NOS3: variants seen among roughly 807,000 people sequenced by gnomAD.
NOS3 encodes the protein NOS type III.
NOS3 carries 98 observed loss-of-function variants against 144.9 expected under a neutral mutation model. That is an observed-to-expected ratio of 0.68 (90% CI 0.57 to 0.80). The LOEUF (loss-of-function observed/expected upper bound fraction) is 0.80, where lower values mean the gene tolerates loss of function less well. Ranked by LOEUF, NOS3 falls within the 30% of genes least tolerant of loss-of-function variation. The pLI is 0.00. For missense variants in NOS3, 1,465 were observed against 1,656.4 expected (o/e 0.88, Z 2.01); for synonymous variants, 714 against 702.4 (o/e 1.02, Z -0.26).
Position 151,013,229 on chromosome 7 carries a change from A to G in NOS3, c.3107-2A>G, listed in dbSNP as rs750555154. 6.2e-7 allele frequency: 1 copy of G among 1,611,228 alleles called. No homozygotes were observed. The highest frequency in any genetic ancestry group is 1.7e-5 in the Admixed American group (1 of 59,846). ...CCTTCCCAAGCGCGGGGTTGCTTGC[A>G]GGGCTGCAGCCCACTCCCATGACTT... On this transcript the variant is annotated splice_acceptor_variant, in intron 24 of 26. Coordinates refer to ENST00000297494, the MANE Select transcript of NOS3 (RefSeq NM_000603.5). LOFTEE classifies it high-confidence loss of function.
intron 15 of NOS3, 53 bp downstream of exon 15, chr7:151,006,547 A>G: frequency 6.9e-7 from 1 of 1,441,882 alleles, no homozygotes; most frequent in South Asian, 1.2e-5. Context: ...ATTTGGAGAC[A>G]CAAACAGAAA....
rs1308819991 is a variant in NOS3 at position 151,002,450 on chromosome 7, A to ACACG, written c.1752+148_1752+151dup. The ACACG allele has an allele frequency of 2.1e-6, 1 of 475,768 alleles. No homozygotes were observed. The highest frequency in any genetic ancestry group is 2.2e-5 in the African/African-American group (1 of 46,258). The allele number at this position is 475,768 out of a possible 1,614,324, so 29.5% of individuals were successfully genotyped here. A position where few individuals can be genotyped will look rare whatever the true frequency, so the allele number is the denominator to read the frequency against. Reference sequence around the variant, plus strand: ...CACACACACACACACACACACACACACACGCCAGGATGGAAAGGGAGATGC... The same window carrying ACACG: ...CACACACACACACACACACACACACACACGCACGCCAGGATGGAAAGGGAGATGC... On this transcript the variant is annotated intron_variant, in intron 14 of 26. Transcript: ENST00000297494. This position sits in a 1 kb window ranked among gnomAD's most constrained non-coding sequence, Gnocchi z 4.1.
Position 151,007,045 on chromosome 7 carries a change from C to G in NOS3, c.1937+40C>G, listed in dbSNP as rs900861460. ...AAGAGGGGTGCAACGGGTGGGCAAG[C>G]TGCCTGGGCAAACGTGGCCTGCAAA... On this transcript the variant is annotated intron_variant, in intron 16 of 26. Transcript: ENST00000297494. The G allele has an allele frequency of 3.7e-6, 6 of 1,613,804 alleles. No homozygotes were observed. The African/African-American group carries it at 5.3e-5, about 14-fold the overall frequency.
Position 151,002,116 on chromosome 7 carries a change from C to A in NOS3, c.1648-84C>A. The A allele has an allele frequency of 1.4e-6, 2 of 1,400,430 alleles. No individual in the cohort carries two copies. Among genetic ancestry groups the A allele is most frequent in the Non-Finnish European group, 2.0e-6 (2 of 1,009,898 alleles). The allele number at this position is 1,400,430 out of a possible 1,614,324, so 86.8% of individuals were successfully genotyped here. A position where few individuals can be genotyped will look rare whatever the true frequency, so the allele number is the denominator to read the frequency against. Reference sequence around the variant, plus strand: ...TCAGAGATCAAGTTGGGGCCTGAATCTTGCACTGCCAGGGAGGCCAGAGTG... The same window carrying A: ...TCAGAGATCAAGTTGGGGCCTGAATATTGCACTGCCAGGGAGGCCAGAGTG... On this transcript the variant is annotated intron_variant, in intron 13 of 26. Coordinates refer to ENST00000297494, the MANE Select transcript of NOS3 (RefSeq NM_000603.5). This position sits in a 1 kb window ranked among gnomAD's most constrained non-coding sequence, Gnocchi z 4.1.
chr7:150,995,451 A>G (rs61760649), intron 3 of NOS3, 137 bp downstream of exon 3: 7,568 of 611,012 alleles, frequency 0.012, 82 homozygotes, highest in Non-Finnish European at 0.015. Context: ...AGGACTGGGA[A>G]GAACCAGAGG....
intron 1 of NOS3, among the ~76,000 whole-genome samples, chr7:150,992,943 T>G (rs2117093690): frequency 6.6e-6 from 1 of 152,220 alleles, no homozygotes; most frequent in Admixed American, 6.5e-5. Context: ...GAACTGTAGT[T>G]TCCCTAGTCC....
intron 17 of NOS3, among the ~76,000 whole-genome samples, chr7:151,008,533 A>G (rs1434645054): frequency 6.6e-6 from 1 of 152,192 alleles, no homozygotes; most frequent in Non-Finnish European, 1.5e-5. Flanking sequence ...ATCTCATTTA[A>G]TCTTCACCAG....
chr7:150,994,674 G>C (rs893882606), intron 2 of NOS3, among the ~76,000 whole-genome samples: 1 of 152,178 alleles, frequency 6.6e-6, no homozygotes, highest in Non-Finnish European at 1.5e-5. Context: ...CTGAGGGCCG[G>C]GGCCCTGCTG....
chr7:151,000,724 G>T (rs1012322304), intron 10 of NOS3, 125 bp downstream of exon 10: 2 of 672,604 alleles, frequency 3.0e-6, no homozygotes, highest in Non-Finnish European at 2.7e-6. Flanking sequence ...AAGAAGTTCC[G>T]TAGTCCCAGT....
chr7:151,012,936 ACTGCGATGTCACACAATGCAAAGGG>A (rs1043992573), intron 24 of NOS3: 1 of 451,018 alleles, frequency 2.2e-6, no homozygotes, highest in Admixed American at 4.0e-5. Flanking sequence ...GGGGAAGGGG[ACTGCGATGTCACACAATGCAAAGGG>A]CATGGAATTC....
Position 151,013,935 on chromosome 7 carries a change from CG to C in NOS3, c.3450+20del. 1 of 1,597,766 alleles carries C rather than the reference CG, an allele frequency of 6.3e-7. No homozygotes were observed. Among genetic ancestry groups the C allele is most frequent in the Non-Finnish European group, 8.5e-7 (1 of 1,172,142 alleles). Reference sequence around the variant, plus strand: ...GTGCTGCGGGTGCGGAGGGGCGGGCCGGGCCTGAGCGTGCGGGGTTCCTGCT... The same window carrying C: ...GTGCTGCGGGTGCGGAGGGGCGGGCCGGCCTGAGCGTGCGGGGTTCCTGCT... On this transcript the variant is annotated intron_variant, in intron 26 of 26. Coordinates refer to ENST00000297494, the MANE Select transcript of NOS3 (RefSeq NM_000603.5).
Position 151,008,923 on chromosome 7 carries a change from C to A in NOS3, c.2113-7C>A. The A allele has an allele frequency of 6.2e-7, 1 of 1,605,828 alleles. No homozygotes were observed. Among genetic ancestry groups the A allele is most frequent in the South Asian group, 1.1e-5 (1 of 89,704 alleles). On this transcript the variant is annotated splice_polypyrimidine_tract_variant and splice_region_variant and intron_variant, in intron 17 of 26. Transcript: ENST00000297494. ...AGGTCCTCAGCCCTCACCGGCCTGT[C>A]CCGCAGGCCGCCTGTGAGACCTTCT...
In NOS3 at chr7:151,013,350, G is replaced by T. The variant is rs1317783291; in HGVS notation, c.3226G>T (p.Ala1076Ser). 3.1e-6 allele frequency: 5 copies of T among 1,613,606 alleles called. No homozygotes were observed. The South Asian group carries it at 4.4e-5, about 14-fold the overall frequency. Residue 1076 changes from alanine (A) to serine (S), a missense_variant, in exon 25 of 27, where the codon GCC becomes TCC. Physicochemically the swap from Ala to Ser is moderately conservative, Grantham distance 99. This residue lies in a region of NOS3 where 228 missense variants were observed against 227.7 expected (regional missense o/e 1.00). Coordinates refer to ENST00000297494, the MANE Select transcript of NOS3 (RefSeq NM_000603.5). Reference sequence around the variant, plus strand: ...CGGGGTGTTTGGCCGAGTCCTCACCGCCTTCTCCCGGGAACCTGACAACCC... The same window carrying T: ...CGGGGTGTTTGGCCGAGTCCTCACCTCCTTCTCCCGGGAACCTGACAACCC... ...QRGVFGRVLTAFSREPDNPKT... is the reference protein window; with the variant it reads ...QRGVFGRVLTSFSREPDNPKT...
rs1541861 is a variant in NOS3 at position 151,000,245 on chromosome 7, C to A, written c.1132-253C>A. 0.7 allele frequency among the ~76,000 whole-genome samples: 105,538 copies of A among 151,704 alleles called. 37,931 individuals carry two copies. Among genetic ancestry groups the A allele is most frequent in the African/African-American group, 0.88 (36,186 of 41,326 alleles). ...ATTCTCAAAGGGGACCTTGACTCGG[C>A]AAAGGTTAAGACCCATTTTAGAGAT... On this transcript the variant is annotated intron_variant, in intron 9 of 26. Transcript: ENST00000297494.
In NOS3 at chr7:151,014,059, G is replaced by A; in HGVS notation, c.3502G>A (p.Glu1168Lys). Residue 1168 changes from glutamate to lysine, a missense_variant, in exon 27 of 27, where the codon GAG (glutamate) becomes AAG (lysine). This residue lies in a region of NOS3 where 228 missense variants were observed against 227.7 expected (regional missense o/e 1.00). Coordinates refer to ENST00000297494, the MANE Select transcript of NOS3 (RefSeq NM_000603.5). The stretch of plus-strand genomic sequence containing the variant: ...TTTCGGGCTCACGCTGCGCACCCAG[G>A]AGGTGACAAGCCGCATACGCACCCA... ...DIFGLTLRTQEVTSRIRTQSF... is the reference protein window; with the variant it reads ...DIFGLTLRTQKVTSRIRTQSF... 1 of 1,613,806 alleles carries A rather than the reference G, an allele frequency of 6.2e-7. No individual in the cohort carries two copies. The highest frequency in any genetic ancestry group is 8.5e-7 in the Non-Finnish European group (1 of 1,179,910).
chr7:150,998,416 C>T lies in NOS3; in HGVS notation c.642C>T (p.His214=), dbSNP rs914694827. 4.3e-6 allele frequency: 7 copies of T among 1,612,460 alleles called. No homozygotes were observed. Among genetic ancestry groups the T allele is most frequent in the Admixed American group, 1.7e-5 (1 of 59,964 alleles). Residue 214 remains histidine, a synonymous_variant, in exon 6 of 27, where the codon CAC becomes CAT. Transcript: ENST00000297494. This position sits in a 1 kb window ranked among gnomAD's most constrained non-coding sequence, Gnocchi z 5.0. The part of the protein sequence containing the change: ...AQEMFTYICN[H]IKYATNRGNL... ...AAATGTTCACCTACATCTGCAACCA[C>T]ATCAAGTATGCCACCAACCGGGGCA...
chr7:151,007,290 A>G lies in NOS3; in HGVS notation c.2112+14A>G. On this transcript the variant is annotated intron_variant, in intron 17 of 26. Coordinates refer to ENST00000297494, the MANE Select transcript of NOS3 (RefSeq NM_000603.5). Reference sequence around the variant, plus strand: ...GCTGCCTTCCAGGTGAGCCCAGCCCAGCCCCTGCTCTGACTCCTGCCCCCT... The same window carrying G: ...GCTGCCTTCCAGGTGAGCCCAGCCCGGCCCCTGCTCTGACTCCTGCCCCCT... The G allele has an allele frequency of 6.3e-7, 1 of 1,587,426 alleles. No individual in the cohort carries two copies. The highest frequency in any genetic ancestry group is 1.1e-5 in the South Asian group (1 of 89,088).
At chr7:151,009,625 C>CT in intron 20 of NOS3, 40 bp downstream of exon 20, 1 of 1,455,698 alleles carries the variant, frequency 6.9e-7, no homozygotes, top group South Asian at 1.3e-5. Context: ...ACACCAGCCC[C>CT]ATGCCCAGCC....
At chr7:150,991,587 GT>G (rs1802256050) in intron 1 of NOS3, among the ~76,000 whole-genome samples, 1 of 152,224 alleles carries the variant, frequency 6.6e-6, no homozygotes, top group South Asian at 2.1e-4. Context: ...GTGCCAAAGC[GT>G]AAGGTAAGCC....
Sources: allele counts gnomAD v4.1 joint callset (sites outside exome capture counted in the v4.1 genomes callset), GRCh38; gene constraint gnomAD v4.1.1; regional missense constraint gnomAD v4.1.1; non-coding constraint Gnocchi (gnomAD v3.1); transcripts MANE v1.5; gene names NCBI Gene and HGNC (gene_info 2026-07-23, HGNC 2026-07-21).